The following DNAJC15 variants were observed in gnomAD, a reference collection of about 807,000 sequenced individuals.
DNAJC15 encodes dnaJ homolog subfamily C member 15.
Under a neutral mutation model 22.4 loss-of-function variants are expected in DNAJC15, and 27 were observed. The ratio of observed to expected loss-of-function variants is 1.20; its 90% CI spans 0.89 to 1.66. The LOEUF is 1.66. Ranked by LOEUF, DNAJC15 falls within the 40% of genes most tolerant of loss-of-function variation. DNAJC15 has a pLI of 0.00. For missense variants in DNAJC15, 208 were observed against 187.1 expected (o/e 1.11, Z -0.65); for synonymous variants, 79 against 63.2 (o/e 1.25, Z -1.19).
At chr13:43,041,927 G>T (rs925101336) in intron 1 of DNAJC15, among the ~76,000 whole-genome samples, 1 of 152,210 alleles carries the variant, frequency 6.6e-6, no homozygotes, top group African/African-American at 2.4e-5. Context: ...TGTGGCCTGG[G>T]ATCACAATGG....
At chr13:43,034,726 G>A (rs1283486445) in intron 1 of DNAJC15, among the ~76,000 whole-genome samples, 3 of 152,076 alleles carry the variant, frequency 2.0e-5, no homozygotes, top group African/African-American at 7.2e-5. Context: ...TGTTGTTCAA[G>A]CTGTTTTATC....
chr13:43,041,674 C>T (rs1185229664), intron 1 of DNAJC15, among the ~76,000 whole-genome samples: 7 of 152,212 alleles, frequency 4.6e-5, no homozygotes, highest in Non-Finnish European at 7.3e-5. Flanking sequence ...CTAACCTTGA[C>T]CCTATGCTTC....
At chr13:43,069,260 T>C (rs939304388) in intron 3 of DNAJC15, among the ~76,000 whole-genome samples, 1 of 152,224 alleles carries the variant, frequency 6.6e-6, no homozygotes, top group Non-Finnish European at 1.5e-5. Flanking sequence ...ACATCAAATT[T>C]GATGTAACTT....
At chr13:43,054,843 A>G (rs2040521735) in intron 1 of DNAJC15, among the ~76,000 whole-genome samples, 1 of 152,182 alleles carries the variant, frequency 6.6e-6, no homozygotes. Context: ...TAGCTCAGAA[A>G]TAGCTCCCTT....
chr13:43,107,899 A>G lies in DNAJC15; in HGVS notation c.*651A>G, dbSNP rs1203649510. ...ATGAGCCCTGTGAGGAAAGGTTGAG[A>G]GAAGTCTGAGGAGTTTGTATTTAAT... On this transcript the variant is annotated 3_prime_UTR_variant, in exon 6 of 6. Coordinates refer to ENST00000379221, the MANE Select transcript of DNAJC15 (RefSeq NM_013238.3). 6.6e-6 allele frequency: 1 copy of G among 152,364 alleles called. No individual in the cohort carries two copies. The highest frequency in any genetic ancestry group is 1.5e-5 in the Non-Finnish European group (1 of 68,010). 9.4% of individuals were successfully genotyped at this position (152,364 alleles called of 1,614,324 possible).
Position 43,033,421 on chromosome 13 carries a change from A to G in DNAJC15, c.108+9687A>G, listed in dbSNP as rs973186049. Among the ~76,000 whole-genome samples, 11 of 152,268 alleles carry G rather than the reference A, an allele frequency of 7.2e-5. No individual in the cohort carries two copies. In the South Asian group the frequency reaches 2.3e-3, roughly 32 times the overall value. ...GACAGAGTGAGACCCTACTGGAAAA[A>G]AAAAATAAACCAATATTGATCCATT... is the stretch of plus-strand genomic sequence containing the variant. On this transcript the variant is annotated intron_variant, in intron 1 of 5. Coordinates refer to ENST00000379221, the MANE Select transcript of DNAJC15 (RefSeq NM_013238.3).
intron 1 of DNAJC15, among the ~76,000 whole-genome samples, chr13:43,039,398 G>A (rs1293290968): frequency 3.9e-5 from 6 of 152,174 alleles, no homozygotes; most frequent in African/African-American, 1.2e-4. Flanking sequence ...AGAAGTCTGT[G>A]TGTGCCTTTG....
chr13:43,023,759 C>T, intron 1 of DNAJC15, 25 bp downstream of exon 1: 1 of 1,575,926 alleles, frequency 6.3e-7, no homozygotes, highest in Non-Finnish European at 8.6e-7. Context: ...CGGCCCCCAC[C>T]CCTCTCTGGC....
chr13:43,025,983 A>G (rs1323943485), intron 1 of DNAJC15, among the ~76,000 whole-genome samples: 1 of 152,260 alleles, frequency 6.6e-6, no homozygotes, highest in Admixed American at 6.5e-5. Flanking sequence ...AGAAAACATA[A>G]TGAAGTAATT....
chr13:43,046,544 TAC>T (rs2040478053), intron 1 of DNAJC15, among the ~76,000 whole-genome samples: 1 of 151,906 alleles, frequency 6.6e-6, no homozygotes, highest in Non-Finnish European at 1.5e-5. Flanking sequence ...CTCACTAAAA[TAC>T]AAATTAAGCT....
In DNAJC15 at chr13:43,111,592, G is replaced by A. The variant is rs185243339; in HGVS notation, c.*4344G>A. 5 of 152,096 alleles carry A rather than the reference G, an allele frequency of 3.3e-5. No individual in the cohort carries two copies. The highest frequency in any genetic ancestry group is 6.6e-5 in the Admixed American group (1 of 15,264). 9.4% of individuals were successfully genotyped at this position (152,096 alleles called of 1,614,324 possible). A position where few individuals can be genotyped will look rare whatever the true frequency, so the allele number is the denominator to read the frequency against. On this transcript the variant is annotated 3_prime_UTR_variant, in exon 6 of 6. Coordinates refer to ENST00000379221, the MANE Select transcript of DNAJC15 (RefSeq NM_013238.3). ...AAGATGAATCAGCCAGGCTCTTTACGTCAAGAATATGAAGTTTCTCTTGAG... is the reference window on the plus strand; with the variant it reads ...AAGATGAATCAGCCAGGCTCTTTACATCAAGAATATGAAGTTTCTCTTGAG...
intron 1 of DNAJC15, among the ~76,000 whole-genome samples, chr13:43,027,021 A>G (rs1169071184): frequency 6.6e-6 from 1 of 152,260 alleles, no homozygotes; most frequent in Non-Finnish European, 1.5e-5. Flanking sequence ...CAAAATATGT[A>G]GCATCTTGAA....
At chr13:43,055,342 C>T (rs991907249) in intron 1 of DNAJC15, among the ~76,000 whole-genome samples, 9 of 152,128 alleles carry the variant, frequency 5.9e-5, no homozygotes, top group African/African-American at 1.9e-4. Flanking sequence ...GCACCACCCC[C>T]GCCACCTGCC....
intron 1 of DNAJC15, among the ~76,000 whole-genome samples, chr13:43,062,816 T>G (rs1331139141): frequency 6.6e-6 from 1 of 152,112 alleles, no homozygotes; most frequent in Non-Finnish European, 1.5e-5. Context: ...CCTCCTGGGT[T>G]CAAGTGATTC....
At chr13:43,085,321 A>G (rs938020902) in intron 4 of DNAJC15, among the ~76,000 whole-genome samples, 10 of 128,392 alleles carry the variant, frequency 7.8e-5, no homozygotes, top group Non-Finnish European at 1.2e-4. Context: ...AGATCATGCC[A>G]CTGCACTCCA....
intron 5 of DNAJC15, among the ~76,000 whole-genome samples, chr13:43,101,017 TC>T (rs1481826254): frequency 6.6e-6 from 1 of 152,232 alleles, no homozygotes; most frequent in African/African-American, 2.4e-5. Flanking sequence ...CCTTTTTGTC[TC>T]TAATAACATT....
rs1354265534 is a variant in DNAJC15, at chr13:43,111,912, T to C, written c.*4664T>C. 1 of 152,216 alleles carries C rather than the reference T, an allele frequency of 6.6e-6. No individual in the cohort carries two copies. The highest frequency in any genetic ancestry group is 1.5e-5 in the Non-Finnish European group (1 of 68,036). 9.4% of individuals were successfully genotyped at this position (152,216 alleles called of 1,614,324 possible). A position where few individuals can be genotyped will look rare whatever the true frequency, so the allele number is the denominator to read the frequency against. On this transcript the variant is annotated 3_prime_UTR_variant, in exon 6 of 6. Transcript: ENST00000379221. Reference sequence around the variant, plus strand: ...TTCCATGAATTATGAGTCAAAATTTTATTTATGGTGGCATTACACACATTA... The same window carrying C: ...TTCCATGAATTATGAGTCAAAATTTCATTTATGGTGGCATTACACACATTA...
At chr13:43,094,824 A>G (rs889281879) in intron 5 of DNAJC15, among the ~76,000 whole-genome samples, 1 of 152,150 alleles carries the variant, frequency 6.6e-6, no homozygotes, top group African/African-American at 2.4e-5. Context: ...TCTTGTGTCC[A>G]TTGCCCATAC....
chr13:43,073,989 A>G (rs2040621052), intron 3 of DNAJC15, among the ~76,000 whole-genome samples: 1 of 149,844 alleles, frequency 6.7e-6, no homozygotes, highest in Non-Finnish European at 1.5e-5. Context: ...TGAATTTTCT[A>G]TTTGTGAATC....
Sources: allele counts gnomAD v4.1 joint callset (sites outside exome capture counted in the v4.1 genomes callset), GRCh38; gene constraint gnomAD v4.1.1; transcripts MANE v1.5; gene names NCBI Gene and HGNC (gene_info 2026-07-23, HGNC 2026-07-21).